The following ATG14 variants were observed in gnomAD, a reference collection of about 807,000 sequenced individuals.
The protein encoded by ATG14 is autophagy related 14, also known as beclin 1-associated autophagy-related key regulator.
ATG14 carries 35 observed loss-of-function variants against 60.4 expected under a neutral mutation model. The ratio of observed to expected loss-of-function variants is 0.58; its 90% CI spans 0.44 to 0.77. The LOEUF is 0.77. Ranked by LOEUF, ATG14 falls within the 30% of genes least tolerant of loss-of-function variation. The pLI is 0.00. For missense variants in ATG14, 647 were observed against 626.3 expected (o/e 1.03, Z -0.35); for synonymous variants, 234 against 228.8 (o/e 1.02, Z -0.21).
Position 55,378,216 on chromosome 14 carries a change from G to A in ATG14, c.996-142C>T, listed in dbSNP as rs1884957769. The A allele has an allele frequency of 2.2e-5, 14 of 650,050 alleles. No individual in the cohort carries two copies. The South Asian group carries it at 2.2e-4, about 10-fold the overall frequency. 40.3% of individuals were successfully genotyped at this position (650,050 alleles called of 1,614,324 possible). A position where few individuals can be genotyped will look rare whatever the true frequency, so the allele number is the denominator to read the frequency against. ...TAAATTGCACTTAAAGACTTTCTAAGAATACACCATTCCCCTCAGAGAACA... is the reference window on the plus strand; with the variant it reads ...TAAATTGCACTTAAAGACTTTCTAAAAATACACCATTCCCCTCAGAGAACA... On this transcript the variant is annotated intron_variant, in intron 7 of 9. Transcript: ENST00000247178.
intron 9 of ATG14, among the ~76,000 whole-genome samples, chr14:55,372,790 T>TA (rs1884848102): frequency 6.6e-6 from 1 of 152,108 alleles, no homozygotes; most frequent in African/African-American, 2.4e-5. Context: ...CCTGGGGTCT[T>TA]AGTTTTCCCA....
chr14:55,368,576 C>A lies in ATG14; in HGVS notation c.*1043G>T, dbSNP rs1299354706. The A allele has an allele frequency of 6.6e-6, 1 of 152,170 alleles. No individual in the cohort carries two copies. The highest frequency in any genetic ancestry group is 6.6e-5 in the Admixed American group (1 of 15,266). The allele number at this position is 152,170 out of a possible 1,614,324, so 9.4% of individuals were successfully genotyped here. On this transcript the variant is annotated 3_prime_UTR_variant, in exon 10 of 10. Coordinates refer to ENST00000247178, the MANE Select transcript of ATG14 (RefSeq NM_014924.5). Reference sequence around the variant, plus strand: ...CAGAACAGAGCAGAGTAGCATCAGCCGTAAGGATCTGCGCTGCATTTCTGA... The same window carrying A: ...CAGAACAGAGCAGAGTAGCATCAGCAGTAAGGATCTGCGCTGCATTTCTGA...
chr14:55,383,635 G>A (rs1386829797), intron 5 of ATG14, among the ~76,000 whole-genome samples: 1 of 151,902 alleles, frequency 6.6e-6, no homozygotes, highest in Non-Finnish European at 1.5e-5. Context: ...CCATCATGAT[G>A]ACTCATGCCT....
At chr14:55,382,809 A>G (rs995188717) in intron 5 of ATG14, among the ~76,000 whole-genome samples, 19 of 152,204 alleles carry the variant, frequency 1.2e-4, no homozygotes, top group Non-Finnish European at 5.9e-5. Flanking sequence ...ACACCTCTCT[A>G]CGTGTTTAAA....
In ATG14 at chr14:55,368,125, T is replaced by G. The variant is rs1326816188; in HGVS notation, c.*1494A>C. 6.6e-6 allele frequency: 1 copy of G among 152,620 alleles called. No homozygotes were observed. The highest frequency in any genetic ancestry group is 1.5e-5 in the Non-Finnish European group (1 of 68,034). 9.5% of individuals were successfully genotyped at this position (152,620 alleles called of 1,614,324 possible). On this transcript the variant is annotated 3_prime_UTR_variant, in exon 10 of 10. Transcript: ENST00000247178. The stretch of plus-strand genomic sequence containing the variant: ...TTATTAAAAATAAACTACTTACATA[T>G]TTGTACATAATGCCTCTCTCATTAT...
In ATG14 at chr14:55,411,793, C is replaced by T. The variant is rs1480948562; in HGVS notation, c.30G>A (p.Arg10=). The T allele has an allele frequency of 4.4e-6, 7 of 1,600,426 alleles. No individual in the cohort carries two copies. Among genetic ancestry groups the T allele is most frequent in the South Asian group, 1.1e-5 (1 of 89,268 alleles). Residue 10 remains arginine (R), a synonymous_variant, in exon 1 of 10, where the codon CGG becomes CGA. Coordinates refer to ENST00000247178, the MANE Select transcript of ATG14 (RefSeq NM_014924.5). MASPSGKGA[R]ALEAPGCGPR... ...GCCCGCAGCCAGGAGCCTCCAGCGC[C>T]CGGGCTCCCTTCCCACTGGGAGACG...
intron 4 of ATG14, among the ~76,000 whole-genome samples, 154 bp from the exon 5 acceptor site, chr14:55,386,250 G>A (rs933651422): frequency 6.6e-6 from 1 of 152,154 alleles, no homozygotes; most frequent in African/African-American, 2.4e-5. Context: ...AAATTTGAGA[G>A]TTTAGTTCAA....
At chr14:55,393,873 T>A (rs79316071) in intron 3 of ATG14, among the ~76,000 whole-genome samples, 2,081 of 152,206 alleles carry the variant, frequency 0.014, 55 homozygotes, top group African/African-American at 0.047. Flanking sequence ...AGTATATTTA[T>A]ATTTAAAATA....
rs761321012 is a variant in ATG14 at position 55,380,670 on chromosome 14, C to G, written c.898G>C (p.Ala300Pro). Residue 300 changes from alanine (A) to proline (P), a missense_variant, in exon 7 of 10, where the codon GCC becomes CCC. Ala to Pro is a conservative substitution (Grantham distance 27). Coordinates refer to ENST00000247178, the MANE Select transcript of ATG14 (RefSeq NM_014924.5). ...CACAGCGCAGCACTGATGGTGTAGGCAGGGTTACTCTGCTCCATGTCTGCA... is the reference window on the plus strand; with the variant it reads ...CACAGCGCAGCACTGATGGTGTAGGGAGGGTTACTCTGCTCCATGTCTGCA... ...QGPDMEQSNP[A>P]YTISAALCYA... 1.2e-6 allele frequency: 2 copies of G among 1,607,260 alleles called. No individual in the cohort carries two copies. Among genetic ancestry groups the G allele is most frequent in the African/African-American group, 1.3e-5 (1 of 74,766 alleles).
rs1212297598 is a variant in ATG14 at position 55,369,937 on chromosome 14, C to A, written c.1173-12G>T. The stretch of plus-strand genomic sequence containing the variant: ...CAAAGGGCCCTGACCTGTGTGCAGA[C>A]AATGAGGGTCTCTTTAGGATAACAA... On this transcript the variant is annotated splice_polypyrimidine_tract_variant and intron_variant, in intron 9 of 9. Coordinates refer to ENST00000247178, the MANE Select transcript of ATG14 (RefSeq NM_014924.5). 1 of 1,578,356 alleles carries A rather than the reference C, an allele frequency of 6.3e-7. No individual in the cohort carries two copies. Among genetic ancestry groups the A allele is most frequent in the Non-Finnish European group, 8.6e-7 (1 of 1,160,128 alleles).
Position 55,396,088 on chromosome 14 carries a change from G to C in ATG14, c.285-106C>G, listed in dbSNP as rs114999970. 1.3e-3 allele frequency: 996 copies of C among 792,914 alleles called. 9 individuals carry two copies. In the African/African-American group the frequency reaches 0.016, roughly 13 times the overall value. The allele number at this position is 792,914 out of a possible 1,614,324, so 49.1% of individuals were successfully genotyped here. A position where few individuals can be genotyped will look rare whatever the true frequency, so the allele number is the denominator to read the frequency against. On this transcript the variant is annotated intron_variant, in intron 2 of 9. Coordinates refer to ENST00000247178, the MANE Select transcript of ATG14 (RefSeq NM_014924.5). ...AAAATTAAGTCCTTAGAAATGGCTA[G>C]AAATATCAAAACGGGACTTAGCATT...
chr14:55,407,707 G>A (rs958198470), intron 1 of ATG14, among the ~76,000 whole-genome samples: 4 of 152,168 alleles, frequency 2.6e-5, no homozygotes, highest in African/African-American at 9.7e-5. Flanking sequence ...TTCTGGATGT[G>A]GCTATCTTCC....
chr14:55,393,193 A>G (rs1436463326), intron 3 of ATG14, among the ~76,000 whole-genome samples: 2 of 151,228 alleles, frequency 1.3e-5, no homozygotes, highest in African/African-American at 4.8e-5. Flanking sequence ...CATCCTGGCT[A>G]ACACGGTGAA....
intron 1 of ATG14, among the ~76,000 whole-genome samples, chr14:55,408,321 G>A (rs1464627639): frequency 6.6e-6 from 1 of 152,134 alleles, no homozygotes; most frequent in Non-Finnish European, 1.5e-5. Flanking sequence ...TAGGCGTGTT[G>A]ATGTGCGCCT....
At chr14:55,396,371 A>C (rs969351823) in intron 2 of ATG14, among the ~76,000 whole-genome samples, 1 of 152,242 alleles carries the variant, frequency 6.6e-6, no homozygotes, top group South Asian at 2.1e-4. Flanking sequence ...ATGGAATAAA[A>C]TGTTCTATGG....
intron 6 of ATG14, 144 bp from the exon 7 acceptor site, chr14:55,380,834 T>C (rs963552922): frequency 1.1e-4 from 32 of 292,718 alleles, no homozygotes; most frequent in African/African-American, 7.3e-4. Context: ...TGACCAGACA[T>C]AAATGGTCCA....
intron 1 of ATG14, among the ~76,000 whole-genome samples, chr14:55,410,621 G>C (rs75062757): frequency 0.058 from 8,809 of 152,300 alleles, 342 homozygotes; most frequent in South Asian, 0.085. Flanking sequence ...AGGATATAAA[G>C]TCTAGTGGTT....
intron 5 of ATG14, among the ~76,000 whole-genome samples, chr14:55,384,259 G>C (rs1006344497): frequency 6.6e-6 from 1 of 152,208 alleles, no homozygotes; most frequent in Non-Finnish European, 1.5e-5. Flanking sequence ...CCTCGTGTGT[G>C]TATTTTCTTT....
intron 9 of ATG14, 117 bp from the exon 10 acceptor site, chr14:55,370,042 A>C: frequency 1.0e-6 from 1 of 961,554 alleles, no homozygotes; most frequent in Non-Finnish European, 1.5e-6. Flanking sequence ...CACCCCATTC[A>C]TTCCCCAAGT....
Sources: gnomAD v4.1 joint callset for allele counts (sites outside exome capture counted in the v4.1 genomes callset) on GRCh38, gnomAD v4.1.1 for gene constraint, MANE v1.5 for transcripts, NCBI Gene and HGNC (gene_info 2026-07-23, HGNC 2026-07-21) for gene names.